Variants in TASP1 observed in about 807,000 individuals in gnomAD.
TASP1 encodes the protein taspase 1, also known as threonine aspartase 1.
Under a neutral mutation model 56.6 loss-of-function variants are expected in TASP1, and 16 were observed. That is an observed-to-expected ratio of 0.28 (90% CI 0.19 to 0.43). The LOEUF is 0.43. Ranked by LOEUF, TASP1 falls within the 20% of genes least tolerant of loss-of-function variation. The pLI is 1.00. For synonymous variants in TASP1, 179 were observed against 184.2 expected (o/e 0.97, Z 0.23); for missense variants, 393 against 511.6 (o/e 0.77, Z 2.24).
At chr20:13,132,708 T>TC in the TASP1 span, 1 of 152,186 alleles carries the variant, frequency 6.6e-6, no homozygotes, top group Non-Finnish European at 1.5e-5. Flanking sequence ...CTCTTTTACA[T>TC]CTCTGTGCTT....
intron 11 of TASP1, among the ~76,000 whole-genome samples, chr20:13,442,052 C>CG (rs1304847827): frequency 6.6e-6 from 1 of 152,096 alleles, no homozygotes; most frequent in Non-Finnish European, 1.5e-5. Context: ...TTATTTTACA[C>CG]ATCATTTGTA....
chr20:13,362,154 C>T, the TASP1 span, among the ~76,000 whole-genome samples: 59 of 149,844 alleles, frequency 3.9e-4, no homozygotes, highest in East Asian at 9.2e-3. Context: ...ATTCTCTCTC[C>T]GCACCACCCC....
the TASP1 span, among the ~76,000 whole-genome samples, chr20:13,355,572 G>A: frequency 6.6e-6 from 1 of 152,188 alleles, no homozygotes; most frequent in South Asian, 2.1e-4. Flanking sequence ...TCCATGGCTG[G>A]AAAGTTTCCT....
chr20:13,206,428 T>C, the TASP1 span, among the ~76,000 whole-genome samples: 1 of 152,210 alleles, frequency 6.6e-6, no homozygotes, highest in Non-Finnish European at 1.5e-5. Context: ...ACAGGGTAAC[T>C]AAATGCTGAC....
At chr20:13,357,057 G>A in the TASP1 span, among the ~76,000 whole-genome samples, 2 of 152,074 alleles carry the variant, frequency 1.3e-5, no homozygotes, top group Admixed American at 1.3e-4. Context: ...GTGAGCCAAG[G>A]GATATAAGAA....
At chr20:13,278,373 G>A in the TASP1 span, among the ~76,000 whole-genome samples, 15 of 152,196 alleles carry the variant, frequency 9.9e-5, no homozygotes, top group Admixed American at 7.8e-4. Context: ...CATGGGGTGA[G>A]TGAAAATTGT....
At chr20:13,197,259 C>G in the TASP1 span, among the ~76,000 whole-genome samples, 1 of 152,148 alleles carries the variant, frequency 6.6e-6, no homozygotes, top group South Asian at 2.1e-4. Context: ...AGTGACCAAC[C>G]CACCTAACAC....
chr20:13,559,981 G>T (rs115876785), intron 7 of TASP1, among the ~76,000 whole-genome samples: 1 of 152,050 alleles, frequency 6.6e-6, no homozygotes, highest in Admixed American at 6.6e-5. Flanking sequence ...TATAACACAC[G>T]TTTATGCTCA....
At chr20:13,171,503 C>T in the TASP1 span, among the ~76,000 whole-genome samples, 1 of 151,974 alleles carries the variant, frequency 6.6e-6, no homozygotes, top group African/African-American at 2.4e-5. Flanking sequence ...TAAAGATTTC[C>T]TATATAGATG....
the TASP1 span, among the ~76,000 whole-genome samples, chr20:13,198,132 GT>G: frequency 1.3e-5 from 2 of 152,038 alleles, no homozygotes; most frequent in East Asian, 3.9e-4. Flanking sequence ...TATAACAAAT[GT>G]TTTGGAATAT....
At chr20:13,621,173 C>T (rs1390305663) in intron 4 of TASP1, among the ~76,000 whole-genome samples, 4 of 152,068 alleles carry the variant, frequency 2.6e-5, no homozygotes, top group Admixed American at 6.6e-5. Flanking sequence ...CCTGTAATCG[C>T]AGCACTTTGG....
the TASP1 span, among the ~76,000 whole-genome samples, chr20:13,363,656 G>A: frequency 0.04 from 6,089 of 152,200 alleles, 416 homozygotes; most frequent in African/African-American, 0.14. Context: ...GTCAGGGTTG[G>A]GGAAGGGTTT....
At chr20:13,337,756 C>T in the TASP1 span, among the ~76,000 whole-genome samples, 1 of 152,132 alleles carries the variant, frequency 6.6e-6, no homozygotes, top group African/African-American at 2.4e-5. Flanking sequence ...CAAATGTTTT[C>T]GGTAACCAGA....
chr20:13,265,287 T>C, the TASP1 span, among the ~76,000 whole-genome samples: 2 of 152,164 alleles, frequency 1.3e-5, no homozygotes, highest in East Asian at 1.9e-4. Context: ...AGTTCAAACA[T>C]TGCTTCCTCT....
At chr20:13,420,785 C>T (rs1007880348) in intron 12 of TASP1, among the ~76,000 whole-genome samples, 10 of 152,078 alleles carry the variant, frequency 6.6e-5, no homozygotes, top group African/African-American at 1.7e-4. Context: ...GGAAGCAGTA[C>T]GGTTTAAGTC....
At chr20:13,291,101 A>G in the TASP1 span, among the ~76,000 whole-genome samples, 1 of 152,186 alleles carries the variant, frequency 6.6e-6, no homozygotes, top group African/African-American at 2.4e-5. Context: ...TGGTAGATTT[A>G]AGTGCCTTGT....
At chr20:13,258,655 T>G in the TASP1 span, among the ~76,000 whole-genome samples, 7 of 152,280 alleles carry the variant, frequency 4.6e-5, no homozygotes, top group East Asian at 1.2e-3. Flanking sequence ...GAACCTCAGT[T>G]AACTGAGGTT....
rs73088290 is a variant in TASP1 at position 13,402,094 on chromosome 20, C to T, written c.1171-11642G>A. Among the ~76,000 whole-genome samples, 1,194 of 152,182 alleles carry T rather than the reference C, an allele frequency of 7.8e-3. 5 individuals carry two copies. The highest frequency in any genetic ancestry group is 0.011 in the Non-Finnish European group (717 of 68,000). Reference sequence around the variant, plus strand: ...ACATTTATCTTTGCAAAGATCTTACCCTACACCATGATTAAAATGAGAATA... The same window carrying T: ...ACATTTATCTTTGCAAAGATCTTACTCTACACCATGATTAAAATGAGAATA... On this transcript the variant is annotated intron_variant, in intron 13 of 13. Transcript: ENST00000337743.
chr20:13,310,125 A>G, the TASP1 span, among the ~76,000 whole-genome samples: 1 of 152,236 alleles, frequency 6.6e-6, no homozygotes, highest in Non-Finnish European at 1.5e-5. Flanking sequence ...AAAATACTAA[A>G]TAGCCAAAGC....
Sources: gnomAD v4.1 joint callset for allele counts (sites outside exome capture counted in the v4.1 genomes callset) on GRCh38, gnomAD v4.1.1 for gene constraint, MANE v1.5 for transcripts, NCBI Gene and HGNC (gene_info 2026-07-23, HGNC 2026-07-21) for gene names.